GRB14: variants seen among roughly 807,000 people sequenced by gnomAD.
The protein encoded by GRB14 is growth factor receptor bound protein 14.
A neutral mutation model predicts 69.1 loss-of-function variants in GRB14; 38 were observed. The observed-to-expected ratio is 0.55, with a 90% CI of 0.42 to 0.72. GRB14 has a LOEUF of 0.72. GRB14 is among the 30% of genes least tolerant of loss of function. The pLI is 0.00. For missense variants in GRB14, 666 were observed against 666.1 expected, an observed-to-expected ratio of 1.00 and a Z score of 0.00; for synonymous variants, 247 against 241.3, an observed-to-expected ratio of 1.02 and a Z score of -0.22.
chr2:164,538,927 C>T (rs1106257), intron 3 of GRB14, among the ~76,000 whole-genome samples: 118,872 of 152,084 alleles, frequency 0.78, 46,949 homozygotes, highest in African/African-American at 0.83. Flanking sequence ...GAAAGTTTTC[C>T]TGGTGGTTTG....
intron 3 of GRB14, among the ~76,000 whole-genome samples, chr2:164,544,363 T>G (rs961512712): frequency 6.6e-6 from 1 of 152,138 alleles, no homozygotes; most frequent in African/African-American, 2.4e-5. Context: ...ATTACTGAAC[T>G]GCAAAGCTAT....
intron 2 of GRB14, among the ~76,000 whole-genome samples, chr2:164,592,787 A>G (rs1689697910): frequency 6.6e-6 from 1 of 152,162 alleles, no homozygotes; most frequent in East Asian, 1.9e-4. Flanking sequence ...AAATGTGGAA[A>G]TACTCCTCAG....
intron 3 of GRB14, among the ~76,000 whole-genome samples, chr2:164,546,942 T>A (rs950383853): frequency 2.0e-5 from 3 of 152,058 alleles, no homozygotes; most frequent in African/African-American, 7.2e-5. Flanking sequence ...TGTTGGGATA[T>A]CCCCTTTGGG....
Position 164,497,108 on chromosome 2 carries a change from G to A in GRB14, c.1295-13C>T. 2 of 1,610,580 alleles carry A rather than the reference G, an allele frequency of 1.2e-6. No homozygotes were observed. Among genetic ancestry groups the A allele is most frequent in the South Asian group, 1.1e-5 (1 of 91,000 alleles). ...GACCGGTGGATAGCTAAAGAAATAG[G>A]ATGGATGAATGCAAAGCTTTGTTTG... On this transcript the variant is annotated splice_polypyrimidine_tract_variant and intron_variant, in intron 11 of 13. Transcript: ENST00000263915.
intron 2 of GRB14, among the ~76,000 whole-genome samples, chr2:164,577,146 T>A (rs1689270259): frequency 6.6e-6 from 1 of 152,200 alleles, no homozygotes; most frequent in Admixed American, 6.5e-5. Flanking sequence ...TGTGGCCAAA[T>A]CCTAGACGGT....
At chr2:164,588,888 G>A (rs149201067) in intron 2 of GRB14, among the ~76,000 whole-genome samples, 1,560 of 152,306 alleles carry the variant, frequency 0.01, 24 homozygotes, top group African/African-American at 0.035. Context: ...TTGCTGCAGG[G>A]AAGGCTATTT....
chr2:164,533,224 C>CT (rs537913705), intron 3 of GRB14, among the ~76,000 whole-genome samples: 4,159 of 80,378 alleles, frequency 0.052, 863 homozygotes, highest in Admixed American at 0.06. Flanking sequence ...GTTTCCAATT[C>CT]TTTTTTTTTT....
intron 5 of GRB14, 59 bp downstream of exon 5, chr2:164,524,945 C>G: frequency 1.1e-6 from 1 of 926,724 alleles, no homozygotes; most frequent in Non-Finnish European, 1.6e-6. Flanking sequence ...TAAAAAAGGA[C>G]TTAAAAGTTT....
chr2:164,617,983 G>A (rs1332638501), intron 2 of GRB14, among the ~76,000 whole-genome samples: 6 of 145,676 alleles, frequency 4.1e-5, no homozygotes, highest in East Asian at 4.1e-4. Context: ...TAGTGTCAGC[G>A]GGGGACAGAT....
At chr2:164,517,733 C>T (rs552756987) in intron 6 of GRB14, among the ~76,000 whole-genome samples, 1 of 152,006 alleles carries the variant, frequency 6.6e-6, no homozygotes, top group African/African-American at 2.4e-5. Flanking sequence ...TCAGACAAAA[C>T]AGACTTTAAA....
chr2:164,511,845 C>T (rs993365162), intron 6 of GRB14, among the ~76,000 whole-genome samples: 1 of 152,176 alleles, frequency 6.6e-6, no homozygotes, highest in African/African-American at 2.4e-5. Context: ...GTCCCCAGTT[C>T]TGGGCCTCAG....
chr2:164,568,444 T>G, intron 2 of GRB14: 1 of 1,240,016 alleles, frequency 8.1e-7, no homozygotes, highest in Non-Finnish European at 1.0e-6. Flanking sequence ...CTTTTATGGT[T>G]ACTCCTTGGG....
chr2:164,613,329 T>C (rs111475015), intron 2 of GRB14, among the ~76,000 whole-genome samples: 21 of 152,224 alleles, frequency 1.4e-4, no homozygotes, highest in African/African-American at 4.8e-4. Flanking sequence ...CCATATGCCA[T>C]ACCTACTAAA....
chr2:164,569,683 A>G (rs1319183146), intron 2 of GRB14, among the ~76,000 whole-genome samples: 1 of 152,192 alleles, frequency 6.6e-6, no homozygotes, highest in Non-Finnish European at 1.5e-5. Context: ...TCCTCAAAAG[A>G]AAAAAGAGAC....
chr2:164,575,996 T>C (rs1689243165), intron 2 of GRB14, among the ~76,000 whole-genome samples: 1 of 152,208 alleles, frequency 6.6e-6, no homozygotes, highest in East Asian at 1.9e-4. Context: ...CTCTATTCTA[T>C]GGGAAAGAGA....
intron 2 of GRB14, among the ~76,000 whole-genome samples, chr2:164,606,668 C>T (rs998931174): frequency 2.0e-5 from 3 of 152,100 alleles, no homozygotes; most frequent in African/African-American, 4.8e-5. Context: ...GTTCCCAGTG[C>T]CCTAAGATTC....
At chr2:164,573,038 T>A (rs1297543406) in intron 2 of GRB14, among the ~76,000 whole-genome samples, 1 of 152,194 alleles carries the variant, frequency 6.6e-6, no homozygotes, top group East Asian at 1.9e-4. Flanking sequence ...CAAGCAGCCA[T>A]CCCTCCATAT....
chr2:164,611,347 T>TA (rs1416566235), intron 2 of GRB14, among the ~76,000 whole-genome samples: 1 of 152,122 alleles, frequency 6.6e-6, no homozygotes, highest in Non-Finnish European at 1.5e-5. Context: ...AGACAATGGC[T>TA]AAATTAGGAT....
intron 3 of GRB14, among the ~76,000 whole-genome samples, chr2:164,529,701 T>G (rs1687872336): frequency 6.6e-6 from 1 of 152,156 alleles, no homozygotes; most frequent in African/African-American, 2.4e-5. Flanking sequence ...CCTTTGCCTT[T>G]TGTTGTTCAG....
Sources: allele counts gnomAD v4.1 joint callset (sites outside exome capture counted in the v4.1 genomes callset), GRCh38; gene constraint gnomAD v4.1.1; transcripts MANE v1.5; gene names NCBI Gene and HGNC (gene_info 2026-07-23, HGNC 2026-07-21).